The following MRAP2 variants were observed in gnomAD, a reference collection of about 807,000 sequenced individuals.
The protein encoded by MRAP2 is melanocortin 2 receptor accessory protein 2, also known as melanocortin-2 receptor accessory protein 2.
A neutral mutation model predicts 17.4 loss-of-function variants in MRAP2; 20 were observed. That is an observed-to-expected ratio of 1.15 (90% CI 0.81 to 1.67). The LOEUF (loss-of-function observed/expected upper bound fraction) is 1.67. Among genes scored for constraint, MRAP2 ranks in the 40% most tolerant of loss-of-function variants. The pLI, the probability that MRAP2 is intolerant of heterozygous loss-of-function variation, is 0.00. For missense variants in MRAP2, 238 were observed against 240.0 expected (o/e 0.99, Z 0.05); for synonymous variants, 96 against 88.4 (o/e 1.09, Z -0.48).
chr6:84,044,511 TA>T (rs2099488476), intron 1 of MRAP2, among the ~76,000 whole-genome samples: 1 of 152,238 alleles, frequency 6.6e-6, no homozygotes, highest in Non-Finnish European at 1.5e-5. Context: ...TGGTCACATG[TA>T]GGTTTCCTCT....
chr6:84,123,086 A>T, the MRAP2 span, among the ~76,000 whole-genome samples: 1 of 152,108 alleles, frequency 6.6e-6, no homozygotes, highest in Admixed American at 6.6e-5. Flanking sequence ...GACACAAGCA[A>T]ACGGAAATAC....
chr6:84,125,989 G>C, the MRAP2 span, among the ~76,000 whole-genome samples: 4 of 151,978 alleles, frequency 2.6e-5, no homozygotes, highest in East Asian at 1.9e-4. Context: ...ATTAAGTATA[G>C]TAATATTACT....
At chr6:84,100,580 A>G in the MRAP2 span, among the ~76,000 whole-genome samples, 2 of 152,100 alleles carry the variant, frequency 1.3e-5, no homozygotes, top group African/African-American at 4.8e-5. Flanking sequence ...ATCAGTTTTT[A>G]AATTCCCTGT....
chr6:84,122,352 CAAAAA>C, the MRAP2 span, among the ~76,000 whole-genome samples: 2 of 36,150 alleles, frequency 5.5e-5, no homozygotes, highest in African/African-American at 2.3e-4. Context: ...ACAGCACATC[CAAAAA>C]AAAAAAAAAA....
chr6:84,131,674 TG>T, the MRAP2 span, among the ~76,000 whole-genome samples: 7,645 of 148,282 alleles, frequency 0.052, 234 homozygotes, highest in Admixed American at 0.086. Context: ...GCTTTTTTTT[TG>T]TTTTGTTTTC....
At chr6:84,051,540 G>C (rs968842338) in intron 1 of MRAP2, among the ~76,000 whole-genome samples, 1 of 152,214 alleles carries the variant, frequency 6.6e-6, no homozygotes, top group East Asian at 1.9e-4. Context: ...CTGGGTGACA[G>C]AGCAAGACTC....
chr6:84,111,854 G>A, the MRAP2 span, among the ~76,000 whole-genome samples: 2 of 152,168 alleles, frequency 1.3e-5, no homozygotes, highest in African/African-American at 4.8e-5. Flanking sequence ...TGCATCTATT[G>A]AGATAATCAT....
intron 3 of MRAP2, among the ~76,000 whole-genome samples, chr6:84,081,844 A>G (rs901766411): frequency 1.4e-5 from 2 of 145,932 alleles, no homozygotes; most frequent in Admixed American, 6.9e-5. Context: ...ATGAATGAAT[A>G]AATAAATAAA....
At chr6:84,034,152 G>A (rs2099485314) in intron 1 of MRAP2, among the ~76,000 whole-genome samples, 1 of 152,128 alleles carries the variant, frequency 6.6e-6, no homozygotes, top group South Asian at 2.1e-4. Flanking sequence ...CGAAAAGCCT[G>A]GAAGCGGCGG....
intron 2 of MRAP2, among the ~76,000 whole-genome samples, chr6:84,059,429 T>A (rs2099492519): frequency 6.6e-6 from 1 of 152,202 alleles, no homozygotes; most frequent in Middle Eastern, 3.2e-3. Context: ...GTGAGGAAAG[T>A]GTCATGAACC....
At chr6:84,109,814 G>C in the MRAP2 span, among the ~76,000 whole-genome samples, 1 of 146,502 alleles carries the variant, frequency 6.8e-6, no homozygotes, top group Non-Finnish European at 1.5e-5. Context: ...ATGTGTTCTC[G>C]TTCTTCAACT....
the MRAP2 span, among the ~76,000 whole-genome samples, chr6:84,130,568 TTCC>T: frequency 1.3e-5 from 2 of 152,216 alleles, no homozygotes; most frequent in African/African-American, 4.8e-5. Context: ...ATTCGACTTC[TTCC>T]TCGTTTAGAC....
rs202126845 is a variant in MRAP2 at position 84,071,091 on chromosome 6, A to AT, written c.227+8101dup. On this transcript the variant is annotated intron_variant, in intron 3 of 3. Transcript: ENST00000257776. ...ATGTTAGTATTGGATAAGAGGTACC[A>AT]TTGCATTCATGGTGCTCTTTGCTGC... 1.0e-3 allele frequency among the ~76,000 whole-genome samples: 155 copies of AT among 152,216 alleles called. 2 individuals carry two copies. The East Asian group carries it at 0.018, about 17-fold the overall frequency.
chr6:84,049,982 A>ATG (rs3028685), intron 1 of MRAP2, among the ~76,000 whole-genome samples: 19 of 151,086 alleles, frequency 1.3e-4, no homozygotes, highest in South Asian at 4.2e-4. Flanking sequence ...GCGTGCATTC[A>ATG]TGTGTGTGTG....
chr6:84,099,113 G>A, the MRAP2 span, among the ~76,000 whole-genome samples: 1 of 145,946 alleles, frequency 6.9e-6, no homozygotes, highest in Non-Finnish European at 1.5e-5. Flanking sequence ...TTCATTTTGA[G>A]TTTTTTTCTT....
intron 1 of MRAP2, among the ~76,000 whole-genome samples, chr6:84,036,099 G>A (rs2099485892): frequency 6.6e-6 from 1 of 150,968 alleles, no homozygotes; most frequent in Non-Finnish European, 1.5e-5. Context: ...ACCAGATAAT[G>A]CCTCATTGTG....
chr6:84,075,683 A>G (rs2099497413), intron 3 of MRAP2, among the ~76,000 whole-genome samples: 1 of 152,140 alleles, frequency 6.6e-6, no homozygotes, highest in Admixed American at 6.5e-5. Context: ...AACCCCAGAC[A>G]TTACGTGCCT....
At chr6:84,056,828 G>A (rs1298010594) in intron 2 of MRAP2, among the ~76,000 whole-genome samples, 1 of 152,120 alleles carries the variant, frequency 6.6e-6, no homozygotes, top group Non-Finnish European at 1.5e-5. Context: ...AGACAGGCCT[G>A]CTGCTGTAAT....
intron 1 of MRAP2, among the ~76,000 whole-genome samples, chr6:84,044,467 A>T (rs979515201): frequency 1.3e-5 from 2 of 152,144 alleles, no homozygotes; most frequent in African/African-American, 4.8e-5. Flanking sequence ...ATTTTCTCAC[A>T]GTTCTGGGGA....
Sources: gnomAD v4.1 joint callset for allele counts (sites outside exome capture counted in the v4.1 genomes callset) on GRCh38, gnomAD v4.1.1 for gene constraint, MANE v1.5 for transcripts, NCBI Gene and HGNC (gene_info 2026-07-23, HGNC 2026-07-21) for gene names.